DHRS12: variants seen among roughly 807,000 people sequenced by gnomAD.
DHRS12 encodes dehydrogenase/reductase 12, also known as dehydrogenase/reductase SDR family member 12.
A neutral mutation model predicts 32.1 loss-of-function variants in DHRS12; 29 were observed. The ratio of observed to expected loss-of-function variants is 0.90; its 90% CI spans 0.67 to 1.23. The LOEUF (loss-of-function observed/expected upper bound fraction) is 1.23. DHRS12 is among the 50% of genes most tolerant of loss of function. The probability of loss-of-function intolerance (pLI) is 0.00; values close to 1 mark genes in which losing one functional copy is unlikely to be tolerated. For synonymous variants in DHRS12, 150 were observed against 135.9 expected, an observed-to-expected ratio of 1.10 and a Z score of -0.72; for missense variants, 330 against 337.2, an observed-to-expected ratio of 0.98 and a Z score of 0.17.
intron 5 of DHRS12, 75 bp downstream of exon 5, chr13:51,776,985 G>C (rs1954452765): frequency 3.2e-6 from 5 of 1,569,616 alleles, no homozygotes; most frequent in Non-Finnish European, 4.4e-6. Context: ...CAGTCAGGCA[G>C]CAAACCTAGG....
intron 7 of DHRS12, among the ~76,000 whole-genome samples, chr13:51,770,464 G>A (rs1489407441): frequency 3.3e-5 from 5 of 152,192 alleles, no homozygotes; most frequent in Non-Finnish European, 7.3e-5. Context: ...TCCTTGGAGG[G>A]TAAGAGGCTG....
chr13:51,772,164 T>G lies in DHRS12; in HGVS notation c.469-253A>C, dbSNP rs1197378309. 3.9e-5 allele frequency among the ~76,000 whole-genome samples: 6 copies of G among 152,066 alleles called. No homozygotes were observed. The East Asian group carries it at 1.2e-3, about 29-fold the overall frequency. ...CAGCAAAACACTGAGAGAGAAGGAA[T>G]AGCAGGCCCACCCCCCATGAAATTA... is the stretch of plus-strand genomic sequence containing the variant. On this transcript the variant is annotated intron_variant, in intron 6 of 8. Transcript: ENST00000444610.
intron 4 of DHRS12, among the ~76,000 whole-genome samples, chr13:51,788,325 A>G (rs1176377042): frequency 1.3e-5 from 2 of 152,148 alleles, no homozygotes; most frequent in African/African-American, 4.8e-5. Context: ...TTCAGCAAAG[A>G]TAACATATTT....
intron 2 of DHRS12, among the ~76,000 whole-genome samples, chr13:51,792,766 C>G (rs1474191830): frequency 6.6e-6 from 1 of 152,126 alleles, no homozygotes; most frequent in Non-Finnish European, 1.5e-5. Flanking sequence ...ATTTTCAAAT[C>G]CGGTTATAAG....
Position 51,771,814 on chromosome 13 carries a change from G to A in DHRS12, c.559+7C>T. 2 of 1,614,018 alleles carry A rather than the reference G, an allele frequency of 1.2e-6. No homozygotes were observed. The highest frequency in any genetic ancestry group is 8.5e-7 in the Non-Finnish European group (1 of 1,179,926). The stretch of plus-strand genomic sequence containing the variant: ...AAGTGGCTCAGCAATTAAAGGCTAT[G>A]ACATACCTGGGGTGTCGGCCCAGCC... On this transcript the variant is annotated splice_region_variant and intron_variant, in intron 7 of 8. Coordinates refer to ENST00000444610, the MANE Select transcript of DHRS12 (RefSeq NM_001377533.1).
intron 2 of DHRS12, chr13:51,797,745 G>A: frequency 5.0e-6 from 7 of 1,401,056 alleles, no homozygotes; most frequent in African/African-American, 2.8e-5. Flanking sequence ...TCAACCCAGG[G>A]AAAGCGGGTA....
Position 51,782,366 on chromosome 13 carries a change from C to T in DHRS12, c.302-5245G>A, listed in dbSNP as rs1429043041. Among the ~76,000 whole-genome samples the T allele has an allele frequency of 6.6e-6, 1 of 152,140 alleles. No individual in the cohort carries two copies. The highest frequency in any genetic ancestry group is 1.5e-5 in the Non-Finnish European group (1 of 68,008). Reference sequence around the variant, plus strand: ...TAAAGTCCCCGCAGACACGCTGCAGCTGGCTAAGGAGGTTGAGAAGGAGCC... The same window carrying T: ...TAAAGTCCCCGCAGACACGCTGCAGTTGGCTAAGGAGGTTGAGAAGGAGCC... On this transcript the variant is annotated intron_variant, in intron 4 of 8. Transcript: ENST00000444610. This position sits in a 1 kb window ranked among gnomAD's most constrained non-coding sequence, Gnocchi z 4.2.
chr13:51,760,172 A>G, the DHRS12 span: 1 of 160,772 alleles, frequency 6.2e-6, no homozygotes. Flanking sequence ...GTTTACTTCA[A>G]CATGTGTCAC....
the DHRS12 span, chr13:51,756,384 G>A: frequency 5.0e-6 from 8 of 1,614,078 alleles, no homozygotes; most frequent in East Asian, 2.2e-5. Flanking sequence ...AGCTCCAAGC[G>A]CTCCTCCATC....
At chr13:51,763,299 G>T (rs79921989), downstream of DHRS12, 10 of 152,024 alleles carry the variant, frequency 6.6e-5, no homozygotes, top group African/African-American at 2.4e-4. Context: ...AGTTTTTTTG[G>T]CTCCGGCCCT....
At chr13:51,758,300 G>A in the DHRS12 span, 6 of 1,579,218 alleles carry the variant, frequency 3.8e-6, no homozygotes, top group Non-Finnish European at 5.2e-6. Context: ...AGGTTATTAA[G>A]GTAAGATGCC....
Position 51,776,281 on chromosome 13 carries a change from G to A in DHRS12, c.363+779C>T, listed in dbSNP as rs72476666. On this transcript the variant is annotated intron_variant, in intron 5 of 8. Transcript: ENST00000444610. ...AAAATCCAAGTGTCAGCGGAGCTGCGTCCCCTCTGCCGGTCTCAGAGGAGA... is the reference window on the plus strand; with the variant it reads ...AAAATCCAAGTGTCAGCGGAGCTGCATCCCCTCTGCCGGTCTCAGAGGAGA... The A allele has an allele frequency of 9.2e-5, 11 of 119,140 alleles. 2 individuals carry two copies. Among genetic ancestry groups the A allele is most frequent in the Admixed American group, 3.6e-4 (4 of 11,072 alleles). The allele number at this position is 119,140 out of a possible 1,614,324, so 7.4% of individuals were successfully genotyped here.
chr13:51,755,939 G>A, the DHRS12 span, among the ~76,000 whole-genome samples: 1 of 152,160 alleles, frequency 6.6e-6, no homozygotes. Flanking sequence ...GCCAAAGTCA[G>A]CAGATTCAAT....
chr13:51,781,774 C>T (rs984133566), intron 4 of DHRS12, among the ~76,000 whole-genome samples: 1 of 152,122 alleles, frequency 6.6e-6, no homozygotes, highest in Admixed American at 6.5e-5. Context: ...CTGCAGCCTC[C>T]AAGGGCAACG....
intron 1 of DHRS12, among the ~76,000 whole-genome samples, chr13:51,802,169 T>TCACACACACACA (rs56270918): frequency 4.3e-5 from 6 of 139,870 alleles, no homozygotes; most frequent in South Asian, 2.5e-4. Context: ...TCTCTATTTT[T>TCACACACACACA]CACACACACA....
chr13:51,777,051 T>G lies in DHRS12; in HGVS notation c.363+9A>C, dbSNP rs756772904. ...ATTATCCTCAAAACATCCCATAAGG[T>G]CAACTCACCACTCGGGGGTCGTGTT... On this transcript the variant is annotated intron_variant, in intron 5 of 8. Coordinates refer to ENST00000444610, the MANE Select transcript of DHRS12 (RefSeq NM_001377533.1). 15 of 1,613,856 alleles carry G rather than the reference T, an allele frequency of 9.3e-6. 1 individual carries two copies. Among genetic ancestry groups the G allele is most frequent in the Middle Eastern group, 3.3e-4 (2 of 6,084 alleles).
intron 2 of DHRS12, among the ~76,000 whole-genome samples, chr13:51,794,789 G>C (rs1338088370): frequency 5.7e-5 from 4 of 69,570 alleles, no homozygotes; most frequent in African/African-American, 1.7e-4. Context: ...ACATAAAATA[G>C]AAGTTTTTTT....
intron 8 of DHRS12, 44 bp from the exon 9 acceptor site, chr13:51,768,340 C>T (rs1313002408): frequency 2.0e-6 from 3 of 1,534,104 alleles, no homozygotes; most frequent in Non-Finnish European, 2.6e-6. Context: ...GCTGCTGCAG[C>T]GTGGCTGGGT....
chr13:51,767,880 C>A, downstream of DHRS12: 1 of 648,350 alleles, frequency 1.5e-6, no homozygotes, highest in East Asian at 8.4e-5. Context: ...CTGCTGCCCC[C>A]ACCCCTGCGT....
Sources: gnomAD v4.1 joint callset for allele counts (sites outside exome capture counted in the v4.1 genomes callset) on GRCh38, gnomAD v4.1.1 for gene constraint, Gnocchi (gnomAD v3.1) non-coding constraint, MANE v1.5 for transcripts, NCBI Gene and HGNC (gene_info 2026-07-23, HGNC 2026-07-21) for gene names.